FAT3: variants seen among roughly 807,000 people sequenced by gnomAD.
FAT3 encodes the protein protocadherin Fat 3.
FAT3 carries 95 observed loss-of-function variants against 310.2 expected under a neutral mutation model. The observed-to-expected ratio is 0.31, with a 90% CI of 0.26 to 0.36. The LOEUF (loss-of-function observed/expected upper bound fraction) is 0.36. Ranked by LOEUF, FAT3 falls within the 10% of genes least tolerant of loss-of-function variation. The pLI is 1.00. For synonymous variants in FAT3, 2,314 were observed against 2,192.9 expected, an observed-to-expected ratio of 1.06 and a Z score of -1.54; for missense variants, 5,408 against 5,715.6, an observed-to-expected ratio of 0.95 and a Z score of 1.74.
chr11:92,555,456 C>T (rs1478299663), intron 3 of FAT3, among the ~76,000 whole-genome samples: 2 of 152,272 alleles, frequency 1.3e-5, no homozygotes, highest in East Asian at 3.9e-4. Context: ...GCCAAGTGCC[C>T]TCTGGGATAA....
chr11:92,328,755 CA>C (rs1442982508), intron 1 of FAT3, among the ~76,000 whole-genome samples: 13 of 152,288 alleles, frequency 8.5e-5, no homozygotes, highest in African/African-American at 3.1e-4. Context: ...AGCCATAAAA[CA>C]TCGATTACCA....
intron 2 of FAT3, among the ~76,000 whole-genome samples, chr11:92,411,692 G>A (rs1331068076): frequency 2.6e-5 from 4 of 152,016 alleles, no homozygotes; most frequent in Admixed American, 6.6e-5. Flanking sequence ...AGCAAAGTTC[G>A]CAAAGTCATT....
At chr11:92,399,116 G>T (rs115197428) in intron 2 of FAT3, among the ~76,000 whole-genome samples, 1 of 151,976 alleles carries the variant, frequency 6.6e-6, no homozygotes, top group Non-Finnish European at 1.5e-5. Context: ...TGAAAGTGTG[G>T]GATTATTAGC....
intron 5 of FAT3, among the ~76,000 whole-genome samples, chr11:92,763,394 G>A (rs2399545): frequency 0.75 from 114,142 of 151,996 alleles, 44,009 homozygotes; most frequent in Non-Finnish European, 0.83. Flanking sequence ...GATGTGCTGT[G>A]TGCCATTGCA....
chr11:92,739,602 C>A (rs2136022039), intron 4 of FAT3, among the ~76,000 whole-genome samples: 1 of 152,232 alleles, frequency 6.6e-6, no homozygotes, highest in Admixed American at 6.5e-5. Flanking sequence ...ATATTAGAAT[C>A]CCTGACATAC....
chr11:92,681,263 G>C (rs1459482948), intron 3 of FAT3, among the ~76,000 whole-genome samples: 1 of 152,210 alleles, frequency 6.6e-6, no homozygotes, highest in Non-Finnish European at 1.5e-5. Context: ...AGGGATGGAT[G>C]AAAGTAACAC....
At chr11:92,765,632 G>GT (rs368355693) in intron 6 of FAT3, among the ~76,000 whole-genome samples, 1,781 of 151,424 alleles carry the variant, frequency 0.012, 17 homozygotes, top group Middle Eastern at 0.048. Flanking sequence ...GCCTTTTACG[G>GT]TTTTTTTTTA....
rs1291388125 is a variant in FAT3, at chr11:92,355,391, A to C, written c.3279A>C (p.Ile1093=). Residue 1093 remains isoleucine (I), a synonymous_variant, in exon 2 of 28, where the codon ATA becomes ATC. Coordinates refer to ENST00000525166, the MANE Select transcript of FAT3 (RefSeq NM_001367949.2). The part of the protein sequence containing the change: ...RDGSGLGRFS[I]DDESGVITAA... The stretch of plus-strand genomic sequence containing the variant: ...GCAGTGGTCTTGGAAGGTTCAGTAT[A>C]GACGACGAGAGTGGTAAGTGTAATA... 6.2e-7 allele frequency: 1 copy of C among 1,607,986 alleles called. No homozygotes were observed. The highest frequency in any genetic ancestry group is 8.5e-7 in the Non-Finnish European group (1 of 1,175,598).
chr11:92,848,380 A>T (rs564571714), intron 19 of FAT3, among the ~76,000 whole-genome samples: 1 of 152,322 alleles, frequency 6.6e-6, no homozygotes, highest in Non-Finnish European at 1.5e-5. Flanking sequence ...TGCAATGAAC[A>T]TTATCACTTC....
chr11:92,848,346 G>A (rs981424825), intron 19 of FAT3, among the ~76,000 whole-genome samples: 1 of 152,120 alleles, frequency 6.6e-6, no homozygotes, highest in South Asian at 2.1e-4. Flanking sequence ...ATGTTGTGAG[G>A]TGGTTCCTGG....
chr11:92,693,595 C>G (rs532334431), intron 3 of FAT3, among the ~76,000 whole-genome samples: 1 of 152,312 alleles, frequency 6.6e-6, no homozygotes, highest in East Asian at 1.9e-4. Flanking sequence ...ACTAATTCCT[C>G]TGGGCCAGGA....
At chr11:92,645,188 A>T (rs1323965414) in intron 3 of FAT3, among the ~76,000 whole-genome samples, 1 of 152,242 alleles carries the variant, frequency 6.6e-6, no homozygotes, top group Non-Finnish European at 1.5e-5. Context: ...ATTTATTTGA[A>T]AAGGGGATAA....
Position 92,697,459 on chromosome 11 carries a change from G to A in FAT3, c.3669+14G>A, listed in dbSNP as rs774788087. 8 of 1,613,350 alleles carry A rather than the reference G, an allele frequency of 5.0e-6. No individual in the cohort carries two copies. Among genetic ancestry groups the A allele is most frequent in the African/African-American group, 4.0e-5 (3 of 74,910 alleles). On this transcript the variant is annotated intron_variant, in intron 4 of 27. Coordinates refer to ENST00000525166, the MANE Select transcript of FAT3 (RefSeq NM_001367949.2). ...CATTTTCTGGAGGTAAGCGCATAGAGGGAACTGAAATTCATTAAAACTGAC... is the reference window on the plus strand; with the variant it reads ...CATTTTCTGGAGGTAAGCGCATAGAAGGAACTGAAATTCATTAAAACTGAC...
chr11:92,463,067 TGG>T (rs1018345158), intron 2 of FAT3, among the ~76,000 whole-genome samples: 8 of 152,214 alleles, frequency 5.3e-5, no homozygotes, highest in African/African-American at 1.9e-4. Context: ...TGATGGTTTA[TGG>T]GGTGACAGCA....
intron 2 of FAT3, among the ~76,000 whole-genome samples, chr11:92,364,967 TTAAAA>T (rs1335640239): frequency 1.3e-5 from 2 of 152,152 alleles, no homozygotes; most frequent in Non-Finnish European, 2.9e-5. Flanking sequence ...GTTGAAAGAA[TTAAAA>T]TAAAAGGCCA....
intron 13 of FAT3, among the ~76,000 whole-genome samples, chr11:92,810,797 C>T (rs117932263): frequency 1.8e-3 from 267 of 151,906 alleles, no homozygotes; most frequent in Middle Eastern, 3.4e-3. Context: ...ATTGAGGTGA[C>T]TGCATGATGG....
rs1233925352 is a variant in FAT3 at position 92,800,867 on chromosome 11, G to T, written c.7854G>T (p.Leu2618Phe). 3.1e-6 allele frequency: 5 copies of T among 1,613,138 alleles called. No homozygotes were observed. Among genetic ancestry groups the T allele is most frequent in the Admixed American group, 1.7e-5 (1 of 59,946 alleles). The change falls in exon 10 of 28, where the codon TTG becomes TTT. Residue 2618 changes from leucine to phenylalanine, a missense_variant. Transcript: ENST00000525166. ...GGGCAGATGTTGGAAGGGGCCACTT[G>T]GTCACTCAAGTTCAAGCCATAGATC... is the stretch of plus-strand genomic sequence containing the variant. ...SVRADVGRGH[L>F]VTQVQAIDPD... is the part of the protein sequence containing the mutation.
At chr11:92,261,918 T>G (rs1865571115) in intron 1 of FAT3, among the ~76,000 whole-genome samples, 2 of 152,068 alleles carry the variant, frequency 1.3e-5, no homozygotes, top group South Asian at 4.1e-4. Flanking sequence ...AAATGTATTT[T>G]ATTTTATTTT....
At position 92,844,730 on chromosome 11, in the gene FAT3, A is replaced by G. The variant is rs1948644554; in HGVS notation, c.11363A>G (p.Asn3788Ser). 6.6e-7 allele frequency: 1 copy of G among 1,520,628 alleles called. No homozygotes were observed. Among genetic ancestry groups the G allele is most frequent in the African/African-American group, 1.4e-5 (1 of 73,208 alleles). The allele number at this position is 1,520,628 out of a possible 1,614,324, so 94.2% of individuals were successfully genotyped here. The change falls in exon 19 of 28, where the codon AAT becomes AGT. Residue 3788 changes from asparagine to serine, a missense_variant and splice_region_variant. By Grantham distance (46) the Asn-to-Ser change is conservative. Transcript: ENST00000525166. ...TACAGGAACGTGCGTTGCACCTGCA[A>G]TGGTGAGTGCAGTTTTGAGTGTTCC... ...RFYRNVRCTC[N>S]GGLCPGSNDP...
Sources: allele counts gnomAD v4.1 joint callset (sites outside exome capture counted in the v4.1 genomes callset), GRCh38; gene constraint gnomAD v4.1.1; transcripts MANE v1.5; gene names NCBI Gene and HGNC (gene_info 2026-07-23, HGNC 2026-07-21).